FBXO38: variants seen among roughly 807,000 people sequenced by gnomAD.
The protein encoded by FBXO38 is F-box protein 38.
FBXO38 carries 53 observed loss-of-function variants against 131.9 expected under a neutral mutation model. The ratio of observed to expected loss-of-function variants is 0.40; its 90% confidence interval spans 0.32 to 0.51. The LOEUF is 0.51. Among genes scored for constraint, FBXO38 ranks in the 20% least tolerant of loss-of-function variants. The probability of loss-of-function intolerance (pLI) is 0.53; values close to 1 mark genes in which losing one functional copy is unlikely to be tolerated. For synonymous variants in FBXO38, 452 were observed against 505.6 expected (o/e 0.89, Z 1.42); for missense variants, 1,076 against 1,475.6 (o/e 0.73, Z 4.44).
In FBXO38 at chr5:148,404,788, C is replaced by T. The variant is rs774425297; in HGVS notation, c.696C>T (p.Ile232=). The change falls in exon 6 of 22, where the codon ATC becomes ATT. Residue 232 remains isoleucine, a synonymous_variant. Transcript: ENST00000340253. The stretch of plus-strand genomic sequence containing the variant: ...AGCCATTTAAAGACTTCCTTTGTAT[C>T]AGCTTAAGAACTTTCGTCATGAGGA... ...KPQPFKDFLC[I]SLRTFVMRNC... is the part of the protein sequence containing the mutation. The T allele has an allele frequency of 3.1e-6, 5 of 1,607,786 alleles. No individual in the cohort carries two copies. The highest frequency in any genetic ancestry group is 3.4e-5 in the Admixed American group (2 of 58,668).
At chr5:148,406,125 C>T in intron 6 of FBXO38, 132 bp from the exon 7 acceptor site, 1 of 810,886 alleles carries the variant, frequency 1.2e-6, no homozygotes, top group Non-Finnish European at 1.9e-6. Flanking sequence ...TAACAAGAAC[C>T]TGATTTCAGA....
At chr5:148,412,783 G>A (rs983324736) in intron 9 of FBXO38, among the ~76,000 whole-genome samples, 4 of 152,086 alleles carry the variant, frequency 2.6e-5, no homozygotes, top group African/African-American at 9.7e-5. Flanking sequence ...CAAGGGAAAA[G>A]TGATGTATAC....
chr5:148,398,915 T>C, intron 2 of FBXO38, 84 bp from the exon 3 acceptor site: 4 of 1,465,988 alleles, frequency 2.7e-6, no homozygotes, highest in Non-Finnish European at 3.8e-6. Flanking sequence ...TGGTAGGAGA[T>C]TGGAAGAAGG....
rs555134363 is a variant in FBXO38 at position 148,413,863 on chromosome 5, G to A, written c.1094-273G>A. The A allele has an allele frequency of 6.9e-5, 20 of 290,360 alleles. No individual in the cohort carries two copies. In the South Asian group the frequency reaches 1.0e-3, roughly 15 times the overall value. 18.0% of individuals were successfully genotyped at this position (290,360 alleles called of 1,614,324 possible). A position where few individuals can be genotyped will look rare whatever the true frequency, so the allele number is the denominator to read the frequency against. The stretch of plus-strand genomic sequence containing the variant: ...GATAGATCCTTCACTTATGCTTTAA[G>A]AATTTTTGCCTTTTCTCTTCTCTAA... On this transcript the variant is annotated intron_variant, in intron 9 of 21. Coordinates refer to ENST00000340253, the MANE Select transcript of FBXO38 (RefSeq NM_205836.3).
At chr5:148,431,720 A>G (rs568694608) in intron 15 of FBXO38, among the ~76,000 whole-genome samples, 118 of 152,306 alleles carry the variant, frequency 7.7e-4, no homozygotes, top group Non-Finnish European at 1.3e-3. Context: ...TTTCATGTCA[A>G]TGAAGATTGT....
chr5:148,408,629 T>C (rs1467318897), intron 7 of FBXO38, among the ~76,000 whole-genome samples: 2 of 152,232 alleles, frequency 1.3e-5, no homozygotes, highest in African/African-American at 4.8e-5. Context: ...ATACAAACTT[T>C]GTGATTTTAT....
At position 148,399,026 on chromosome 5, in the gene FBXO38, T is replaced by C. The variant is rs1359277889; in HGVS notation, c.156T>C (p.Cys52=). Residue 52 remains cysteine, a synonymous_variant, in exon 3 of 22, where the codon TGT becomes TGC. Transcript: ENST00000340253. The part of the protein sequence containing the change: ...FRYLPLQDIM[C]MECLSRKLKE... ...ACCTCCCTCTGCAGGATATCATGTG[T>C]ATGGAATGTCTTTCCCGGAAGCTAA... 2 of 1,613,382 alleles carry C rather than the reference T, an allele frequency of 1.2e-6. No homozygotes were observed. Among genetic ancestry groups the C allele is most frequent in the African/African-American group, 1.3e-5 (1 of 74,864 alleles).
intron 18 of FBXO38, 30 bp downstream of exon 18, chr5:148,438,528 C>G: frequency 1.3e-6 from 2 of 1,596,848 alleles, no homozygotes; most frequent in Non-Finnish European, 1.7e-6. Context: ...TCCGATGATA[C>G]ACATATTGTG....
intron 1 of FBXO38, among the ~76,000 whole-genome samples, chr5:148,393,188 G>GT (rs1554077288): frequency 3.1e-5 from 4 of 127,036 alleles, no homozygotes; most frequent in African/African-American, 6.1e-5. Context: ...ACAGAAGAGG[G>GT]GTGTGTGTGT....
intron 1 of FBXO38, among the ~76,000 whole-genome samples, chr5:148,391,368 A>G (rs1758186266): frequency 6.6e-6 from 1 of 152,230 alleles, no homozygotes; most frequent in African/African-American, 2.4e-5. Context: ...CTAATAAATC[A>G]CTACACAAAC....
chr5:148,408,129 A>C (rs1752542321), intron 7 of FBXO38, among the ~76,000 whole-genome samples: 1 of 152,196 alleles, frequency 6.6e-6, no homozygotes, highest in South Asian at 2.1e-4. Flanking sequence ...AAACGATAAA[A>C]GTTTACTAAT....
chr5:148,427,173 T>C (rs766883785), intron 14 of FBXO38, 40 bp from the exon 15 acceptor site: 1 of 1,536,776 alleles, frequency 6.5e-7, no homozygotes, highest in Non-Finnish European at 8.7e-7. Context: ...TACTGAAATC[T>C]TTTCTTTTCC....
intron 13 of FBXO38, among the ~76,000 whole-genome samples, chr5:148,425,136 T>C (rs890536770): frequency 6.6e-6 from 1 of 152,246 alleles, no homozygotes; most frequent in Admixed American, 6.5e-5. Flanking sequence ...TTGGCTCATA[T>C]GTTTGAAAAA....
At chr5:148,429,270 T>C (rs1260811708) in intron 15 of FBXO38, among the ~76,000 whole-genome samples, 1 of 152,214 alleles carries the variant, frequency 6.6e-6, no homozygotes, top group Non-Finnish European at 1.5e-5. Flanking sequence ...TATTCCTTTA[T>C]TCATTGATTT....
At chr5:148,437,640 TA>T (rs1212404855) in intron 17 of FBXO38, among the ~76,000 whole-genome samples, 1 of 152,128 alleles carries the variant, frequency 6.6e-6, no homozygotes, top group East Asian at 1.9e-4. Flanking sequence ...AATTGGAGAT[TA>T]AAAAAAGAGA....
rs1265118465 is a variant in FBXO38, at chr5:148,427,735, C to A, written c.2441C>A (p.Ala814Asp). Residue 814 changes from alanine (A) to aspartate (D), a missense_variant, in exon 15 of 22, where the codon GCC becomes GAC. Ala to Asp is a moderately radical substitution (Grantham distance 126, BLOSUM62 -2). Coordinates refer to ENST00000340253, the MANE Select transcript of FBXO38 (RefSeq NM_205836.3). ...AATGGCCCGGATGGTACGAGATCCG[C>A]CTTTTCCTTTAGGACTCTGCCACAA... Reference protein sequence around the residue: ...VVNGPDGTRSAFSFRTLPQGG... With the variant: ...VVNGPDGTRSDFSFRTLPQGG... 6.2e-7 allele frequency: 1 copy of A among 1,613,884 alleles called. No homozygotes were observed. Among genetic ancestry groups the A allele is most frequent in the Admixed American group, 1.7e-5 (1 of 60,020 alleles).
chr5:148,413,445 A>G (rs1420804301), intron 9 of FBXO38: 3 of 152,184 alleles, frequency 2.0e-5, no homozygotes, highest in Non-Finnish European at 4.4e-5. Flanking sequence ...AGATGTAACT[A>G]TGAACTAACA....
intron 3 of FBXO38, 36 bp downstream of exon 3, chr5:148,399,168 C>T (rs1296721981): frequency 6.2e-7 from 1 of 1,603,954 alleles, no homozygotes; most frequent in Non-Finnish European, 8.5e-7. Flanking sequence ...CAGTAGTGTC[C>T]TACTGGAAAG....
chr5:148,420,392 G>T (rs561444020), intron 12 of FBXO38, among the ~76,000 whole-genome samples: 7 of 152,146 alleles, frequency 4.6e-5, no homozygotes, highest in Admixed American at 1.3e-4. Flanking sequence ...CTCCCAAAAT[G>T]CTGTGATTAC....
Sources: allele counts gnomAD v4.1 joint callset (sites outside exome capture counted in the v4.1 genomes callset), GRCh38; gene constraint gnomAD v4.1.1; transcripts MANE v1.5; gene names NCBI Gene and HGNC (gene_info 2026-07-23, HGNC 2026-07-21).